Variants in RTN4RL1 observed in about 807,000 individuals in gnomAD.
RTN4RL1 encodes the protein reticulon-4 receptor-like 1.
A neutral mutation model predicts 25.6 loss-of-function variants in RTN4RL1; 7 were observed. That is an observed-to-expected ratio of 0.27 (90% CI 0.16 to 0.51). The LOEUF is 0.51. Among genes scored for constraint, RTN4RL1 ranks in the 20% least tolerant of loss-of-function variants. The pLI, the probability that RTN4RL1 is intolerant of heterozygous loss-of-function variation, is 0.97. For missense variants in RTN4RL1, 500 were observed against 615.6 expected (o/e 0.81, Z 1.99); for synonymous variants, 297 against 288.2 (o/e 1.03, Z -0.31).
At chr17:2,013,514 C>A (rs1378803346) in intron 1 of RTN4RL1, among the ~76,000 whole-genome samples, 3 of 152,208 alleles carry the variant, frequency 2.0e-5, no homozygotes, top group Non-Finnish European at 4.4e-5. Context: ...ACCACAGGAA[C>A]AAGACTCAGC....
At chr17:1,977,793 A>T (rs1241922453) in intron 1 of RTN4RL1, among the ~76,000 whole-genome samples, 1 of 152,048 alleles carries the variant, frequency 6.6e-6, no homozygotes, top group Non-Finnish European at 1.5e-5. Context: ...GCAACCGCGC[A>T]GGTGTGTGAT....
intron 1 of RTN4RL1, chr17:2,020,585 C>T (rs1455947844): frequency 1.3e-5 from 2 of 152,194 alleles, no homozygotes. Flanking sequence ...CCAAATGCAT[C>T]GTACTGGGTT....
intron 1 of RTN4RL1, among the ~76,000 whole-genome samples, chr17:1,983,000 G>A (rs375235759): frequency 1.3e-5 from 2 of 152,134 alleles, no homozygotes; most frequent in African/African-American, 2.4e-5. Flanking sequence ...TGCCTCTGGG[G>A]GGCCATTTGG....
chr17:1,952,609 C>T (rs1349205601), intron 1 of RTN4RL1, among the ~76,000 whole-genome samples: 3 of 151,010 alleles, frequency 2.0e-5, no homozygotes, highest in African/African-American at 7.3e-5. Context: ...TCCCAAAGTG[C>T]TGGGATTACA....
intron 1 of RTN4RL1, among the ~76,000 whole-genome samples, chr17:1,945,396 T>C (rs1264165827): frequency 6.6e-6 from 1 of 152,226 alleles, no homozygotes; most frequent in African/African-American, 2.4e-5. Context: ...CTAATTTTTG[T>C]ATTTTTAGTA....
At chr17:2,018,292 G>A (rs2067152958) in intron 1 of RTN4RL1, among the ~76,000 whole-genome samples, 2 of 152,226 alleles carry the variant, frequency 1.3e-5, no homozygotes, top group South Asian at 4.1e-4. Context: ...CCTCCTCAGG[G>A]GCGTGAAAGC....
At chr17:2,017,682 T>TACAA in intron 1 of RTN4RL1, 1 of 150,720 alleles carries the variant, frequency 6.6e-6, no homozygotes, top group South Asian at 2.1e-4. Flanking sequence ...TTTCTGTACA[T>TACAA]ACACACACAC....
At chr17:1,954,506 G>T (rs2151308178) in intron 1 of RTN4RL1, among the ~76,000 whole-genome samples, 1 of 150,676 alleles carries the variant, frequency 6.6e-6, no homozygotes, top group Non-Finnish European at 1.5e-5. Flanking sequence ...TCCTGCCTCA[G>T]CCTCCCAAGT....
chr17:1,999,034 A>G (rs112273041), intron 1 of RTN4RL1, among the ~76,000 whole-genome samples: 2 of 151,918 alleles, frequency 1.3e-5, no homozygotes, highest in African/African-American at 4.8e-5. Flanking sequence ...AGCCCCTTAC[A>G]GCGATGTTCA....
chr17:1,959,227 C>A (rs1915849823), intron 1 of RTN4RL1, among the ~76,000 whole-genome samples: 1 of 152,222 alleles, frequency 6.6e-6, no homozygotes, highest in African/African-American at 2.4e-5. Flanking sequence ...ATGCCTCTGG[C>A]CTTTAATAAG....
intron 1 of RTN4RL1, among the ~76,000 whole-genome samples, chr17:1,978,487 G>A (rs890595303): frequency 3.3e-5 from 5 of 152,276 alleles, no homozygotes; most frequent in Non-Finnish European, 7.3e-5. Flanking sequence ...GCGCCCAGGT[G>A]GGCTCTGCAG....
Position 1,961,266 on chromosome 17 carries a change from G to A in RTN4RL1, c.14-23458C>T, listed in dbSNP as rs557168364. 5.8e-4 allele frequency among the ~76,000 whole-genome samples: 88 copies of A among 152,336 alleles called. 1 individual carries two copies. Among genetic ancestry groups the A allele is most frequent in the African/African-American group, 1.9e-3 (79 of 41,580 alleles). ...TAACCAGGAAAAGTCACGAAGGGAA[G>A]GGGGGCCTGGAAGGATGACTAGAAG... On this transcript the variant is annotated intron_variant, in intron 1 of 1. Coordinates refer to ENST00000331238, the MANE Select transcript of RTN4RL1 (RefSeq NM_178568.4).
At chr17:1,980,444 G>A (rs1296658449) in intron 1 of RTN4RL1, among the ~76,000 whole-genome samples, 1 of 151,988 alleles carries the variant, frequency 6.6e-6, no homozygotes, top group African/African-American at 2.4e-5. Flanking sequence ...ATGTTTCCAT[G>A]GGGCTTTTTA....
At chr17:2,023,914 C>A (rs923245683) in intron 1 of RTN4RL1, among the ~76,000 whole-genome samples, 1 of 150,574 alleles carries the variant, frequency 6.6e-6, no homozygotes, top group Non-Finnish European at 1.5e-5. Flanking sequence ...AGCCTCCTGG[C>A]CGGGCCAGGC....
chr17:1,955,105 C>T (rs1863602875), intron 1 of RTN4RL1, among the ~76,000 whole-genome samples: 1 of 152,148 alleles, frequency 6.6e-6, no homozygotes, highest in Admixed American at 6.6e-5. Flanking sequence ...TAGGGACCTA[C>T]CTCTCACCAG....
intron 1 of RTN4RL1, among the ~76,000 whole-genome samples, chr17:1,989,471 A>G (rs2066900501): frequency 1.3e-5 from 2 of 152,092 alleles, no homozygotes. Context: ...GGGGCCCTGG[A>G]GCCAGGGCCA....
chr17:1,953,965 C>T (rs2151308023), intron 1 of RTN4RL1, among the ~76,000 whole-genome samples: 1 of 152,332 alleles, frequency 6.6e-6, no homozygotes. Flanking sequence ...GCCCTGAAGC[C>T]CCATCTTTCA....
At chr17:1,953,598 C>G (rs1484350084) in intron 1 of RTN4RL1, among the ~76,000 whole-genome samples, 1 of 152,008 alleles carries the variant, frequency 6.6e-6, no homozygotes, top group East Asian at 1.9e-4. Flanking sequence ...CAGAGTCTCA[C>G]TCTGTCACCA....
chr17:1,948,187 G>A (rs1042691514), intron 1 of RTN4RL1, among the ~76,000 whole-genome samples: 40 of 152,306 alleles, frequency 2.6e-4, no homozygotes, highest in Middle Eastern at 3.4e-3. Flanking sequence ...TGGAAACAGC[G>A]CACTGACCTC....
Sources: gnomAD v4.1 joint callset for allele counts (sites outside exome capture counted in the v4.1 genomes callset) on GRCh38, gnomAD v4.1.1 for gene constraint, MANE v1.5 for transcripts, NCBI Gene and HGNC (gene_info 2026-07-23, HGNC 2026-07-21) for gene names.